Variants in SPATA31H1 observed in about 807,000 individuals in gnomAD.
SPATA31H1 encodes the protein SPATA31 subfamily H member 1.
the SPATA31H1 span, chr2:27,581,974 C>T: frequency 2.5e-6 from 4 of 1,613,964 alleles, no homozygotes; most frequent in Non-Finnish European, 3.4e-6. Flanking sequence ...CATCACAGTC[C>T]CTCTGAGAGA....
chr2:27,575,618 G>T, the SPATA31H1 span: 1 of 398,478 alleles, frequency 2.5e-6, no homozygotes, highest in Non-Finnish European at 4.4e-6. The surrounding 1 kb of genome is among the most constrained non-coding windows in gnomAD (Gnocchi z 4.1). Context: ...GACCACATTT[G>T]CAAGATGTGA....
the SPATA31H1 span, chr2:27,582,036 C>T: frequency 1.2e-6 from 2 of 1,614,202 alleles, no homozygotes; most frequent in South Asian, 1.1e-5. Context: ...GGAGAGGAGC[C>T]ATCGCAGTCC....
chr2:27,540,310 G>A, the SPATA31H1 span, among the ~76,000 whole-genome samples: 1 of 124,270 alleles, frequency 8.0e-6, no homozygotes, highest in African/African-American at 3.1e-5. Context: ...CGGCTGGCCG[G>A]GCAGAGGGGC....
At chr2:27,580,472 C>G in the SPATA31H1 span, 1 of 1,614,208 alleles carries the variant, frequency 6.2e-7, no homozygotes, top group East Asian at 2.2e-5. Flanking sequence ...TTAGAAAACA[C>G]AGAAAGTTCT....
At chr2:27,556,812 T>C in the SPATA31H1 span, among the ~76,000 whole-genome samples, 2 of 121,538 alleles carry the variant, frequency 1.6e-5, no homozygotes, top group African/African-American at 6.5e-5. Flanking sequence ...GATAAACAAG[T>C]GAACAAAGGT....
At chr2:27,539,101 CTTTTTTTTT>C in the SPATA31H1 span, among the ~76,000 whole-genome samples, 54 of 94,616 alleles carry the variant, frequency 5.7e-4, no homozygotes, top group South Asian at 2.5e-3. Context: ...TCATCATTTT[CTTTTTTTTT>C]TTTTTTTTTT....
At chr2:27,544,596 G>A in the SPATA31H1 span, among the ~76,000 whole-genome samples, 9 of 139,656 alleles carry the variant, frequency 6.4e-5, no homozygotes, top group African/African-American at 1.3e-4. Context: ...GTACAGTGGC[G>A]CAATCTTGGC....
chr2:27,576,177 A>C, the SPATA31H1 span: 3 of 405,950 alleles, frequency 7.4e-6, no homozygotes, highest in Non-Finnish European at 1.3e-5. Context: ...ATCAGGGACA[A>C]AATTTCAAGT....
At chr2:27,577,462 C>T in the SPATA31H1 span, 10 of 1,613,932 alleles carry the variant, frequency 6.2e-6, no homozygotes, top group Non-Finnish European at 6.8e-6. This position sits in a 1 kb window ranked among gnomAD's most constrained non-coding sequence, Gnocchi z 4.5. Flanking sequence ...ACCCCAAAGC[C>T]AACAAGTCAA....
At chr2:27,547,177 CT>C in the SPATA31H1 span, among the ~76,000 whole-genome samples, 1,154 of 137,718 alleles carry the variant, frequency 8.4e-3, 13 homozygotes, top group African/African-American at 0.021. Flanking sequence ...CAACTTTGAT[CT>C]TTTTTTTTTT....
At chr2:27,580,127 T>C in the SPATA31H1 span, 10 of 1,614,176 alleles carry the variant, frequency 6.2e-6, no homozygotes, top group Non-Finnish European at 8.5e-6. Context: ...GTGAAAGAGA[T>C]AGACCCGTCA....
chr2:27,548,790 G>A, the SPATA31H1 span, among the ~76,000 whole-genome samples: 1 of 150,994 alleles, frequency 6.6e-6, no homozygotes, highest in African/African-American at 2.4e-5. Flanking sequence ...TGAAGAAATG[G>A]GGCCTGGTGC....
At chr2:27,569,092 T>C in the SPATA31H1 span, 6 of 398,866 alleles carry the variant, frequency 1.5e-5, no homozygotes, top group African/African-American at 1.2e-4. Context: ...TCTGTGGAGA[T>C]GAGCTCAGTG....
chr2:27,553,943 T>C, the SPATA31H1 span, among the ~76,000 whole-genome samples: 1 of 151,800 alleles, frequency 6.6e-6, no homozygotes, highest in Non-Finnish European at 1.5e-5. Context: ...AAAAGAAATC[T>C]CATTAGCTAA....
At chr2:27,579,072 C>T in the SPATA31H1 span, 1 of 1,614,162 alleles carries the variant, frequency 6.2e-7, no homozygotes, top group African/African-American at 1.3e-5. Flanking sequence ...AATGGAGGAG[C>T]TAGAGAACTC....
the SPATA31H1 span, chr2:27,579,258 G>A: frequency 1.2e-6 from 2 of 1,614,112 alleles, no homozygotes; most frequent in Non-Finnish European, 1.7e-6. Context: ...GCTAATGCTG[G>A]GGAATATTTT....
the SPATA31H1 span, chr2:27,575,622 G>A: frequency 2.5e-6 from 1 of 398,556 alleles, no homozygotes; most frequent in Non-Finnish European, 4.4e-6. This position sits in a 1 kb window ranked among gnomAD's most constrained non-coding sequence, Gnocchi z 4.1. Flanking sequence ...ACATTTGCAA[G>A]ATGTGAATTC....
At chr2:27,546,442 A>G in the SPATA31H1 span, among the ~76,000 whole-genome samples, 1 of 152,184 alleles carries the variant, frequency 6.6e-6, no homozygotes, top group South Asian at 2.1e-4. Flanking sequence ...TAGGGCAGGA[A>G]CTAGGATAAA....
the SPATA31H1 span, among the ~76,000 whole-genome samples, chr2:27,541,247 A>AGGCGT: frequency 6.6e-6 from 1 of 152,004 alleles, no homozygotes; most frequent in Non-Finnish European, 1.5e-5. Flanking sequence ...AAAACCAGTC[A>AGGCGT]GGCGTGGCGT....
Sources: allele counts gnomAD v4.1 joint callset (sites outside exome capture counted in the v4.1 genomes callset), GRCh38; gene constraint gnomAD v4.1.1; non-coding constraint Gnocchi (gnomAD v3.1); transcripts MANE v1.5; gene names NCBI Gene and HGNC (gene_info 2026-07-23, HGNC 2026-07-21).